Variants in CDH8 observed in about 807,000 individuals in gnomAD.
The protein encoded by CDH8 is cadherin 8.
CDH8 carries 17 observed loss-of-function variants against 68.1 expected under a neutral mutation model. The observed-to-expected ratio is 0.25, with a 90% confidence interval of 0.17 to 0.37. CDH8 has a LOEUF of 0.37. Ranked by LOEUF, CDH8 falls within the 10% of genes least tolerant of loss-of-function variation. The pLI is 1.00. For missense variants in CDH8, 763 were observed against 999.3 expected (o/e 0.76, Z 3.19); for synonymous variants, 372 against 365.1 (o/e 1.02, Z -0.21).
chr16:61,724,726 C>T (rs564007329), intron 9 of CDH8, among the ~76,000 whole-genome samples: 12 of 150,702 alleles, frequency 8.0e-5, no homozygotes, highest in African/African-American at 2.9e-4. Context: ...TTATTTTTCA[C>T]GAGCATGTGA....
At chr16:62,030,870 G>A (rs1285551425) in intron 1 of CDH8, among the ~76,000 whole-genome samples, 4 of 152,062 alleles carry the variant, frequency 2.6e-5, no homozygotes, top group Non-Finnish European at 5.9e-5. Flanking sequence ...CAGGTATCCT[G>A]CTGATTAATA....
chr16:61,844,189 C>T (rs1255544552), intron 4 of CDH8, among the ~76,000 whole-genome samples: 2 of 148,058 alleles, frequency 1.4e-5, no homozygotes, highest in Non-Finnish European at 3.0e-5. Flanking sequence ...AAAAAACAAA[C>T]ACTGCATGTT....
chr16:61,843,679 TAA>T (rs564966048), intron 4 of CDH8, among the ~76,000 whole-genome samples: 1 of 152,180 alleles, frequency 6.6e-6, no homozygotes, highest in East Asian at 1.9e-4. Context: ...GTTTGTTTTT[TAA>T]AAAAAGTTTA....
At chr16:62,026,676 A>G (rs1174681057) in intron 1 of CDH8, among the ~76,000 whole-genome samples, 1 of 152,206 alleles carries the variant, frequency 6.6e-6, no homozygotes, top group Non-Finnish European at 1.5e-5. Flanking sequence ...AGGCACTGGG[A>G]AAATTGCTGA....
At chr16:61,945,678 G>A (rs1343359157) in intron 2 of CDH8, among the ~76,000 whole-genome samples, 4 of 152,136 alleles carry the variant, frequency 2.6e-5, no homozygotes, top group African/African-American at 9.7e-5. Context: ...GGAGTCATCA[G>A]CAAAGGCTGA....
chr16:61,958,897 A>G (rs1965030861), intron 2 of CDH8, among the ~76,000 whole-genome samples: 1 of 152,080 alleles, frequency 6.6e-6, no homozygotes, highest in African/African-American at 2.4e-5. Flanking sequence ...TTCTAGCTCC[A>G]TCTCCATCAG....
chr16:61,650,737 GAGAA>G lies in CDH8; in HGVS notation c.*2867_*2870del, dbSNP rs1357103870. On this transcript the variant is annotated 3_prime_UTR_variant, in exon 12 of 12. Coordinates refer to ENST00000577390, the MANE Select transcript of CDH8 (RefSeq NM_001796.5). ...AGAGAGAGAGAGAGAGAGAGAAAGAGAGAAAGAGAGAGATAGTTCCTGAGATTTT... is the reference window on the plus strand; with the variant it reads ...AGAGAGAGAGAGAGAGAGAGAAAGAGAGAGAGAGATAGTTCCTGAGATTTT... The G allele has an allele frequency of 1.3e-5, 2 of 151,432 alleles. No individual in the cohort carries two copies. The highest frequency in any genetic ancestry group is 4.9e-5 in the African/African-American group (2 of 41,152). 9.4% of individuals were successfully genotyped at this position (151,432 alleles called of 1,614,324 possible).
intron 2 of CDH8, among the ~76,000 whole-genome samples, chr16:61,925,284 G>T (rs1273388197): frequency 2.0e-5 from 3 of 152,162 alleles, no homozygotes; most frequent in African/African-American, 7.2e-5. Context: ...AATAAGAAGA[G>T]CAAACAAGAT....
intron 3 of CDH8, among the ~76,000 whole-genome samples, chr16:61,892,054 T>TA (rs1963787935): frequency 6.6e-6 from 1 of 152,132 alleles, no homozygotes; most frequent in Non-Finnish European, 1.5e-5. Context: ...CCTTTAATAA[T>TA]AAAAAATATG....
intron 10 of CDH8, among the ~76,000 whole-genome samples, chr16:61,686,712 T>C (rs1215761307): frequency 2.0e-5 from 3 of 152,000 alleles, no homozygotes; most frequent in African/African-American, 7.2e-5. Context: ...GAAAAAGAGA[T>C]ATTTTTAATT....
intron 8 of CDH8, among the ~76,000 whole-genome samples, chr16:61,764,081 G>A (rs993417529): frequency 5.3e-5 from 8 of 152,080 alleles, no homozygotes; most frequent in African/African-American, 1.7e-4. Context: ...AATGGGCCAG[G>A]CATAGTGAAA....
chr16:61,897,197 A>G (rs1963882441), intron 3 of CDH8, among the ~76,000 whole-genome samples: 1 of 151,768 alleles, frequency 6.6e-6, no homozygotes, highest in Admixed American at 6.6e-5. Flanking sequence ...AGATGGAGAA[A>G]TATATACATG....
At chr16:61,663,873 T>C (rs1963617012) in intron 10 of CDH8, among the ~76,000 whole-genome samples, 1 of 152,000 alleles carries the variant, frequency 6.6e-6, no homozygotes, top group Non-Finnish European at 1.5e-5. Flanking sequence ...TATATATATG[T>C]GTGTGTATGT....
chr16:61,985,359 C>CA (rs1965608114), intron 2 of CDH8, among the ~76,000 whole-genome samples: 1 of 152,172 alleles, frequency 6.6e-6, no homozygotes, highest in Non-Finnish European at 1.5e-5. Context: ...ATCTACATGT[C>CA]AAGTATTTAG....
intron 2 of CDH8, among the ~76,000 whole-genome samples, chr16:62,012,666 A>G (rs7198118): frequency 0.013 from 1,982 of 152,344 alleles, 43 homozygotes; most frequent in African/African-American, 0.045. Context: ...GCAGAAAATT[A>G]TTTTTTAAAA....
chr16:61,827,495 C>A (rs1036429949), intron 4 of CDH8, among the ~76,000 whole-genome samples: 3 of 151,820 alleles, frequency 2.0e-5, no homozygotes, highest in Non-Finnish European at 4.4e-5. Context: ...CTCATCATTT[C>A]TTTTATATGT....
chr16:61,872,806 G>A (rs1281732632), intron 3 of CDH8, among the ~76,000 whole-genome samples: 1 of 152,090 alleles, frequency 6.6e-6, no homozygotes, highest in African/African-American at 2.4e-5. Context: ...TTTATTTTTG[G>A]TACAAAAGTA....
chr16:61,672,304 G>A (rs1963813597), intron 10 of CDH8, among the ~76,000 whole-genome samples: 1 of 152,018 alleles, frequency 6.6e-6, no homozygotes, highest in South Asian at 2.1e-4. Context: ...TATATTAGGT[G>A]CAATTTCTTT....
intron 8 of CDH8, among the ~76,000 whole-genome samples, chr16:61,735,244 G>A (rs999469365): frequency 6.6e-6 from 1 of 151,908 alleles, no homozygotes; most frequent in African/African-American, 2.4e-5. Context: ...GTTTCGAACT[G>A]GACATATCTT....
Sources: gnomAD v4.1 joint callset for allele counts (sites outside exome capture counted in the v4.1 genomes callset) on GRCh38, gnomAD v4.1.1 for gene constraint, MANE v1.5 for transcripts, NCBI Gene and HGNC (gene_info 2026-07-23, HGNC 2026-07-21) for gene names.